Variants in PPM1E observed in about 807,000 individuals in gnomAD.
PPM1E encodes protein phosphatase 1E.
A neutral mutation model predicts 65.9 loss-of-function variants in PPM1E; 20 were observed. That is an observed-to-expected ratio of 0.30 (90% CI 0.21 to 0.44). PPM1E has a LOEUF of 0.44. Among genes scored for constraint, PPM1E ranks in the 20% least tolerant of loss-of-function variants. The pLI is 1.00. For missense variants in PPM1E, 713 were observed against 953.1 expected (o/e 0.75, Z 3.32); for synonymous variants, 352 against 374.9 (o/e 0.94, Z 0.70).
chr17:58,980,904 A>G lies in PPM1E; in HGVS notation c.2141A>G (p.Asn714Ser), dbSNP rs1159163187. ...TCACTTACTGGAAGTGGGAAGAGAA[A>G]TAGGATAAGAAGTTCTCTGCCATGG... ...LSSLTGSGKR[N>S]RIRSSLPWRQ... The change falls in exon 7 of 7, where the codon AAT (asparagine) becomes AGT (serine). Residue 714 changes from asparagine to serine, a missense_variant. Physicochemically the swap from Asn to Ser is conservative, Grantham distance 46 (BLOSUM62 1). Transcript: ENST00000308249. The surrounding 1 kb of genome is among the most constrained non-coding windows in gnomAD (Gnocchi z 4.7). 6.2e-7 allele frequency: 1 copy of G among 1,614,044 alleles called. No individual in the cohort carries two copies. The highest frequency in any genetic ancestry group is 1.3e-5 in the African/African-American group (1 of 74,942).
At chr17:58,917,636 G>C (rs2051699423) in intron 1 of PPM1E, among the ~76,000 whole-genome samples, 1 of 152,190 alleles carries the variant, frequency 6.6e-6, no homozygotes, top group Admixed American at 6.5e-5. Flanking sequence ...ATTCAGAAGA[G>C]AAGCTATTGC....
In PPM1E at chr17:58,776,983, A is replaced by G. The variant is rs566325990; in HGVS notation, c.464+20522A>G. ...TGCAGTGGCTCATGACTGTAATCCC[A>G]ACACTTTGGAGGATGAAGCAGGAAG... On this transcript the variant is annotated intron_variant, in intron 1 of 6. Transcript: ENST00000308249. Among the ~76,000 whole-genome samples, 14 of 152,262 alleles carry G rather than the reference A, an allele frequency of 9.2e-5. No individual in the cohort carries two copies. In the East Asian group the frequency reaches 2.5e-3, roughly 27 times the overall value.
chr17:58,776,185 G>C (rs2049992568), intron 1 of PPM1E, among the ~76,000 whole-genome samples: 1 of 151,922 alleles, frequency 6.6e-6, no homozygotes, highest in East Asian at 1.9e-4. Context: ...AAATTAGCCA[G>C]ACATGCTGGT....
At chr17:58,819,779 GT>G (rs1278781305) in intron 1 of PPM1E, among the ~76,000 whole-genome samples, 1 of 152,108 alleles carries the variant, frequency 6.6e-6, no homozygotes, top group African/African-American at 2.4e-5. Context: ...GCTCATACCT[GT>G]AATCGCAGCA....
At chr17:58,936,529 T>A (rs1331227813) in intron 1 of PPM1E, among the ~76,000 whole-genome samples, 1 of 152,182 alleles carries the variant, frequency 6.6e-6, no homozygotes, top group Non-Finnish European at 1.5e-5. Context: ...CAGCTGTGGG[T>A]GCTGTGCAGA....
chr17:58,962,006 C>T (rs1343867396), intron 2 of PPM1E, among the ~76,000 whole-genome samples: 3 of 152,138 alleles, frequency 2.0e-5, no homozygotes, highest in East Asian at 1.9e-4. Flanking sequence ...TAACCATGGC[C>T]GGGCGTGGTG....
intron 1 of PPM1E, among the ~76,000 whole-genome samples, chr17:58,945,546 A>C (rs561096959): frequency 6.6e-6 from 1 of 152,258 alleles, no homozygotes; most frequent in African/African-American, 2.4e-5. Context: ...CTCAATTCTG[A>C]CACTAATTGC....
chr17:58,811,331 A>T (rs1370025645), intron 1 of PPM1E, among the ~76,000 whole-genome samples: 1 of 152,188 alleles, frequency 6.6e-6, no homozygotes, highest in Non-Finnish European at 1.5e-5. Context: ...TATTTAATTC[A>T]TTAGGGAAAA....
At chr17:58,967,624 A>T (rs2030338455) in intron 3 of PPM1E, among the ~76,000 whole-genome samples, 1 of 151,794 alleles carries the variant, frequency 6.6e-6, no homozygotes, top group Admixed American at 6.6e-5. Context: ...ATACATTATT[A>T]TAATAGGGAA....
At chr17:58,760,064 C>T (rs1332398425) in intron 1 of PPM1E, among the ~76,000 whole-genome samples, 1 of 152,156 alleles carries the variant, frequency 6.6e-6, no homozygotes, top group East Asian at 1.9e-4. Flanking sequence ...GTTAATCATG[C>T]TTTCCAGGTT....
chr17:58,841,520 AC>A (rs143151705), intron 1 of PPM1E, among the ~76,000 whole-genome samples: 26,357 of 143,980 alleles, frequency 0.18, 2,107 homozygotes, highest in Non-Finnish European at 0.21. Context: ...AAAAACAAAT[AC>A]TTTTTTTTTT....
At position 58,922,200 on chromosome 17, in the gene PPM1E, G is replaced by A. The variant is rs551690239; in HGVS notation, c.465-33449G>A. On this transcript the variant is annotated intron_variant, in intron 1 of 6. Transcript: ENST00000308249. ...GATTTTTTTTTTTTTAATATAGTAA[G>A]GTAAGTAACACTAAAGGCTCATTTA... Among the ~76,000 whole-genome samples, 507 of 150,680 alleles carry A rather than the reference G, an allele frequency of 3.4e-3. 4 individuals carry two copies. Among genetic ancestry groups the A allele is most frequent in the Non-Finnish European group, 5.4e-3 (366 of 67,706 alleles).
Position 58,982,921 on chromosome 17 carries a change from T to C in PPM1E, c.*1890T>C. On this transcript the variant is annotated 3_prime_UTR_variant, in exon 7 of 7. Coordinates refer to ENST00000308249, the MANE Select transcript of PPM1E (RefSeq NM_014906.5). ...GCAGTGTCAGTTTCAAATCAAATTA[T>C]CTAAGAAAACAAGAAAACAAAGGCA... The C allele has an allele frequency of 6.3e-7, 1 of 1,577,366 alleles. No individual in the cohort carries two copies. Among genetic ancestry groups the C allele is most frequent in the Non-Finnish European group, 8.6e-7 (1 of 1,160,136 alleles).
chr17:58,823,793 C>T (rs531558114), intron 1 of PPM1E, among the ~76,000 whole-genome samples: 95 of 152,018 alleles, frequency 6.2e-4, no homozygotes, highest in African/African-American at 2.2e-3. Flanking sequence ...TGCAGTGGCT[C>T]GATCTCAGCT....
At chr17:58,846,821 T>C (rs1481992038) in intron 1 of PPM1E, among the ~76,000 whole-genome samples, 1 of 152,222 alleles carries the variant, frequency 6.6e-6, no homozygotes, top group Non-Finnish European at 1.5e-5. Flanking sequence ...GTATTTCTAG[T>C]TCTAGATCCT....
intron 1 of PPM1E, among the ~76,000 whole-genome samples, chr17:58,868,704 C>T (rs911329280): frequency 1.3e-5 from 2 of 151,808 alleles, no homozygotes; most frequent in African/African-American, 4.8e-5. Context: ...GTTTTCTTCC[C>T]TGTTTAACTT....
chr17:58,975,101 C>T (rs2030913009), intron 6 of PPM1E, among the ~76,000 whole-genome samples: 1 of 152,184 alleles, frequency 6.6e-6, no homozygotes, highest in Non-Finnish European at 1.5e-5. Context: ...CTACCCTTGA[C>T]TGAAAATCAC....
At position 58,906,772 on chromosome 17, in the gene PPM1E, AT is replaced by A; in HGVS notation, c.465-48874del. On this transcript the variant is annotated intron_variant, in intron 1 of 6. Transcript: ENST00000308249. Reference sequence around the variant, plus strand: ...GTTTCCTAATGTGGAAACTTAAATTATTTATTTTAAATTTTTTTTCTAATAT... The same window carrying A: ...GTTTCCTAATGTGGAAACTTAAATTATTATTTTAAATTTTTTTTCTAATAT... Among the ~76,000 whole-genome samples, 3 of 152,118 alleles carry A rather than the reference AT, an allele frequency of 2.0e-5. 1 individual carries two copies. The highest frequency in any genetic ancestry group is 6.8e-3 in the Middle Eastern group (2 of 294).
chr17:58,817,732 A>T (rs1415700312), intron 1 of PPM1E, among the ~76,000 whole-genome samples: 3 of 151,820 alleles, frequency 2.0e-5, no homozygotes, highest in African/African-American at 7.3e-5. Context: ...AAATGCTTGC[A>T]TTTCTCAAAA....
Sources: allele counts gnomAD v4.1 joint callset (sites outside exome capture counted in the v4.1 genomes callset), GRCh38; gene constraint gnomAD v4.1.1; non-coding constraint Gnocchi (gnomAD v3.1); transcripts MANE v1.5; gene names NCBI Gene and HGNC (gene_info 2026-07-23, HGNC 2026-07-21).